CTRL: variants seen among roughly 807,000 people sequenced by gnomAD.
CTRL encodes chymotrypsin like.
In CTRL, 38 loss-of-function variants were observed where a neutral mutation model predicts 35.5. The observed-to-expected ratio is 1.07, with a 90% CI of 0.83 to 1.40. CTRL has a LOEUF of 1.40. CTRL is among the 40% of genes most tolerant of loss of function. CTRL has a pLI of 0.00. For missense variants in CTRL, 327 were observed against 342.9 expected (o/e 0.95, Z 0.37); for synonymous variants, 155 against 141.1 (o/e 1.10, Z -0.70).
Position 67,929,896 on chromosome 16 carries a change from T to C in CTRL, c.*38A>G. The C allele has an allele frequency of 6.2e-7, 1 of 1,602,168 alleles. No individual in the cohort carries two copies. Among genetic ancestry groups the C allele is most frequent in the Non-Finnish European group, 8.5e-7 (1 of 1,170,746 alleles). ...AATGCATGATGGGACAGGGCCTGGG[T>C]CTTTAATGGGTTGAGCTGGGGAGGG... On this transcript the variant is annotated 3_prime_UTR_variant, in exon 7 of 7. Coordinates refer to ENST00000574481, the MANE Select transcript of CTRL (RefSeq NM_001907.3).
At position 67,930,162 on chromosome 16, in the gene CTRL, G is replaced by A. The variant is rs769216342; in HGVS notation, c.633+23C>T. ...GGGAGGTATACCACAGGACAGCGCA[G>A]AGGAGCGGGTGCTGGGGCTTACCTG... On this transcript the variant is annotated intron_variant, in intron 6 of 6. Transcript: ENST00000574481. This position sits in a 1 kb window ranked among gnomAD's most constrained non-coding sequence, Gnocchi z 4.3. 4 of 1,613,788 alleles carry A rather than the reference G, an allele frequency of 2.5e-6. No individual in the cohort carries two copies. In the East Asian group the frequency reaches 6.7e-5, roughly 27 times the overall value.
rs1486780023 is a variant in CTRL at position 67,930,484 on chromosome 16, G to T, written c.423C>A (p.Cys141Ter). Residue 141 changes from cysteine (C) to a stop codon, truncating the protein, a stop_gained, in exon 5 of 7, where the codon TGC becomes TGA. Transcript: ENST00000574481. LOFTEE classifies it high-confidence loss of function. The surrounding 1 kb of genome is among the most constrained non-coding windows in gnomAD (Gnocchi z 4.3). ...TCAGAGCCTCGTTTGAGGATGCCAG[G>T]CAAACTGGCGAGATGCGTGTTGTGT... Reference protein sequence around the residue: ...AQYTTRISPVCLASSNEALTE... With the variant: ...AQYTTRISPV 2 of 1,614,170 alleles carry T rather than the reference G, an allele frequency of 1.2e-6. No homozygotes were observed. The highest frequency in any genetic ancestry group is 1.7e-6 in the Non-Finnish European group (2 of 1,180,036).
Position 67,930,024 on chromosome 16 carries a change from G to A in CTRL, c.705C>T (p.Gly235=), listed in dbSNP as rs373622983. The change falls in exon 7 of 7, where the codon GGC becomes GGT. Residue 235 remains glycine, a synonymous_variant. Transcript: ENST00000574481. This position sits in a 1 kb window ranked among gnomAD's most constrained non-coding sequence, Gnocchi z 4.3. ...TWVLIGIVSW[G]TKNCNVRAPA... ...GTGCGCGCACATTGCAGTTTTTGGT[G>A]CCCCAGGAGACAATACCAATAAGCA... The A allele has an allele frequency of 2.5e-6, 4 of 1,614,114 alleles. No individual in the cohort carries two copies. In the African/African-American group the frequency reaches 5.3e-5, roughly 22 times the overall value.
chr16:67,930,085 C>T lies in CTRL; in HGVS notation c.644G>A (p.Gly215Glu). ...AGASSCQGDS[G>E]GPLVCQKGNT... ...TCCCTTCTGGCAGACAAGAGGGCCT[C>T]CGGAGTCACCCTGAGAGGGAAGAGG... Residue 215 changes from glycine to glutamate, a missense_variant, in exon 7 of 7, where the codon GGA becomes GAA. By Grantham distance (98) the Gly-to-Glu change is moderately conservative (BLOSUM62 -2). Transcript: ENST00000574481. This position sits in a 1 kb window ranked among gnomAD's most constrained non-coding sequence, Gnocchi z 4.3. 1.2e-6 allele frequency: 2 copies of T among 1,614,130 alleles called. No individual in the cohort carries two copies. The highest frequency in any genetic ancestry group is 1.3e-5 in the African/African-American group (1 of 75,024).
chr16:67,930,439 G>A lies in CTRL; in HGVS notation c.468C>T (p.Val156=), dbSNP rs958005816. 4 of 1,614,044 alleles carry A rather than the reference G, an allele frequency of 2.5e-6. No homozygotes were observed. The highest frequency in any genetic ancestry group is 3.4e-6 in the Non-Finnish European group (4 of 1,180,008). The change falls in exon 5 of 7, where the codon GTC becomes GTT. Residue 156 remains valine (V), a synonymous_variant. Transcript: ENST00000574481. This position sits in a 1 kb window ranked among gnomAD's most constrained non-coding sequence, Gnocchi z 4.3. ...CACTGAGGCGACCCCAGCCGGTGGT[G>A]ACACACGTGAGGCCTTCAGTCAGAG... The part of the protein sequence containing the change: ...NEALTEGLTC[V]TTGWGRLSGV...
chr16:67,930,626 T>C lies in CTRL; in HGVS notation c.319-38A>G, dbSNP rs767995453. On this transcript the variant is annotated intron_variant, in intron 4 of 6. Coordinates refer to ENST00000574481, the MANE Select transcript of CTRL (RefSeq NM_001907.3). The surrounding 1 kb of genome is among the most constrained non-coding windows in gnomAD (Gnocchi z 4.3). ...AAACAGTCCATGTTCTGATGGGTGC[T>C]GAGCAGGGTAGGCCAGGGCATGTCC... is the stretch of plus-strand genomic sequence containing the variant. The C allele has an allele frequency of 1.2e-6, 2 of 1,609,428 alleles. No homozygotes were observed. The highest frequency in any genetic ancestry group is 2.2e-5 in the East Asian group (1 of 44,706).
rs754288360 is a variant in CTRL, at chr16:67,931,126, C to G, written c.128G>C (p.Gly43Ala). 4.7e-5 allele frequency: 76 copies of G among 1,614,106 alleles called. 1 individual carries two copies. In the South Asian group the frequency reaches 6.8e-4, roughly 14 times the overall value. ...CAGGGACACCTGCCAGGGCCAGGAG[C>G]CCAACACTGCATTCTCCCCGTTGAC... The part of the protein sequence containing the change: ...RIVNGENAVL[G>A]SWPWQVSLQD... Residue 43 changes from glycine to alanine, a missense_variant, in exon 2 of 7, where the codon GGC becomes GCC. Transcript: ENST00000574481.
At position 67,930,218 on chromosome 16, in the gene CTRL, G is replaced by A; in HGVS notation, c.600C>T (p.Ile200=). 2 of 1,614,100 alleles carry A rather than the reference G, an allele frequency of 1.2e-6. No homozygotes were observed. The highest frequency in any genetic ancestry group is 2.2e-5 in the South Asian group (2 of 91,084). ...YWGSSITDSM[I]CAGGAGASSC... is the part of the protein sequence containing the mutation. ...AGGAGGCACCTGCGCCACCTGCACA[G>A]ATCATGGAGTCAGTGATACTTGAGC... The change falls in exon 6 of 7, where the codon ATC becomes ATT. Residue 200 remains isoleucine, a synonymous_variant. Transcript: ENST00000574481. The surrounding 1 kb of genome is among the most constrained non-coding windows in gnomAD (Gnocchi z 4.3).
At position 67,929,847 on chromosome 16, in the gene CTRL, T is replaced by C. The variant is rs975952126; in HGVS notation, c.*87A>G. The stretch of plus-strand genomic sequence containing the variant: ...CGGACCCTCAACAGCCTCTTCTTTC[T>C]CCTGAGCCAGGAAGACAGACATGAA... On this transcript the variant is annotated 3_prime_UTR_variant, in exon 7 of 7. Coordinates refer to ENST00000574481, the MANE Select transcript of CTRL (RefSeq NM_001907.3). 2 of 1,465,852 alleles carry C rather than the reference T, an allele frequency of 1.4e-6. No individual in the cohort carries two copies. Among genetic ancestry groups the C allele is most frequent in the East Asian group, 4.6e-5 (2 of 43,810 alleles). 90.8% of individuals were successfully genotyped at this position (1,465,852 alleles called of 1,614,324 possible). A position where few individuals can be genotyped will look rare whatever the true frequency, so the allele number is the denominator to read the frequency against.
intron 1 of CTRL, 108 bp from the exon 2 acceptor site, chr16:67,931,309 T>C: frequency 9.7e-7 from 1 of 1,034,966 alleles, no homozygotes; most frequent in South Asian, 1.4e-5. Context: ...GTCGAGAGGG[T>C]ACAGCACTAC....
chr16:67,931,331 C>G (rs1200857629), intron 1 of CTRL, 130 bp from the exon 2 acceptor site: 3 of 846,220 alleles, frequency 3.5e-6, no homozygotes, highest in Non-Finnish European at 5.7e-6. Flanking sequence ...CCTTCCCCAA[C>G]AGGGTACATG....
At position 67,930,449 on chromosome 16, in the gene CTRL, A is replaced by C; in HGVS notation, c.458T>G (p.Leu153Arg). ...ACCCCAGCCGGTGGTGACACACGTGAGGCCTTCAGTCAGAGCCTCGTTTGA... is the reference window on the plus strand; with the variant it reads ...ACCCCAGCCGGTGGTGACACACGTGCGGCCTTCAGTCAGAGCCTCGTTTGA... The part of the protein sequence containing the change: ...ASSNEALTEG[L>R]TCVTTGWGRL... The change falls in exon 5 of 7, where the codon CTC (leucine) becomes CGC (arginine). Residue 153 changes from leucine to arginine, a missense_variant. By Grantham distance (102) the Leu-to-Arg change is moderately radical. Transcript: ENST00000574481. This position sits in a 1 kb window ranked among gnomAD's most constrained non-coding sequence, Gnocchi z 4.3. 1 of 1,614,064 alleles carries C rather than the reference A, an allele frequency of 6.2e-7. No individual in the cohort carries two copies. The highest frequency in any genetic ancestry group is 1.1e-5 in the South Asian group (1 of 91,078).
rs1279092544 is a variant in CTRL at position 67,930,851 on chromosome 16, A to C, written c.237-44T>G. The C allele has an allele frequency of 6.2e-7, 1 of 1,612,752 alleles. No homozygotes were observed. Among genetic ancestry groups the C allele is most frequent in the Non-Finnish European group, 8.5e-7 (1 of 1,179,338 alleles). On this transcript the variant is annotated intron_variant, in intron 3 of 6. Transcript: ENST00000574481. The surrounding 1 kb of genome is among the most constrained non-coding windows in gnomAD (Gnocchi z 4.3). ...AGGCAGCTGCAGGGAGGCCAGCGCG[A>C]GAGGGGGACAGCCAGGGGAGGAGGC...
rs1215641902 is a variant in CTRL at position 67,929,835 on chromosome 16, G to A, written c.*99C>T. The A allele has an allele frequency of 1.5e-6, 2 of 1,361,508 alleles. No homozygotes were observed. Among genetic ancestry groups the A allele is most frequent in the Non-Finnish European group, 2.0e-6 (2 of 981,880 alleles). 84.3% of individuals were successfully genotyped at this position (1,361,508 alleles called of 1,614,324 possible). A position where few individuals can be genotyped will look rare whatever the true frequency, so the allele number is the denominator to read the frequency against. ...CAAGTAGGGAGTCGGACCCTCAACAGCCTCTTCTTTCTCCTGAGCCAGGAA... is the reference window on the plus strand; with the variant it reads ...CAAGTAGGGAGTCGGACCCTCAACAACCTCTTCTTTCTCCTGAGCCAGGAA... On this transcript the variant is annotated 3_prime_UTR_variant, in exon 7 of 7. Coordinates refer to ENST00000574481, the MANE Select transcript of CTRL (RefSeq NM_001907.3).
In CTRL at chr16:67,931,215, T is replaced by C. The variant is rs373922437; in HGVS notation, c.53-14A>G. 5.0e-5 allele frequency: 81 copies of C among 1,613,496 alleles called. No homozygotes were observed. The highest frequency in any genetic ancestry group is 6.7e-5 in the Non-Finnish European group (79 of 1,179,796). On this transcript the variant is annotated splice_polypyrimidine_tract_variant and intron_variant, in intron 1 of 6. Transcript: ENST00000574481. ...GAATGCCGCAGCCTGGCCATTGGGCTAATGAGGACCTGCTTCCCATGCCTC... is the reference window on the plus strand; with the variant it reads ...GAATGCCGCAGCCTGGCCATTGGGCCAATGAGGACCTGCTTCCCATGCCTC...
At chr16:67,931,638 C>T in intron 1 of CTRL, 163 bp downstream of exon 1, 1 of 793,642 alleles carries the variant, frequency 1.3e-6, no homozygotes, top group Non-Finnish European at 2.0e-6. Context: ...CCCCTCCCAG[C>T]CCTGCAGGCC....
chr16:67,931,133 C>G lies in CTRL; in HGVS notation c.121G>C (p.Val41Leu). 17 of 1,614,156 alleles carry G rather than the reference C, an allele frequency of 1.1e-5. No homozygotes were observed. Among genetic ancestry groups the G allele is most frequent in the Non-Finnish European group, 1.4e-5 (17 of 1,180,026 alleles). ...SQRIVNGENAVLGSWPWQVSL... is the reference protein window; with the variant it reads ...SQRIVNGENALLGSWPWQVSL... The stretch of plus-strand genomic sequence containing the variant: ...ACCTGCCAGGGCCAGGAGCCCAACA[C>G]TGCATTCTCCCCGTTGACAATCCTC... The change falls in exon 2 of 7, where the codon GTG becomes CTG. Residue 41 changes from valine to leucine, a missense_variant. Coordinates refer to ENST00000574481, the MANE Select transcript of CTRL (RefSeq NM_001907.3).
Position 67,930,123 on chromosome 16 carries a change from A to G in CTRL, c.634-28T>C. The G allele has an allele frequency of 1.2e-6, 2 of 1,613,558 alleles. No homozygotes were observed. Among genetic ancestry groups the G allele is most frequent in the Middle Eastern group, 1.6e-4 (1 of 6,062 alleles). ...GAGAGGGAAGAGGGAGGGAGAATTG[A>G]GTAGGGGGGGTTGGGGAGGTATACC... On this transcript the variant is annotated intron_variant, in intron 6 of 6. Transcript: ENST00000574481. The surrounding 1 kb of genome is among the most constrained non-coding windows in gnomAD (Gnocchi z 4.3).
At chr16:67,931,396 C>T (rs1369762142) in intron 1 of CTRL, 195 bp from the exon 2 acceptor site, 2 of 623,466 alleles carry the variant, frequency 3.2e-6, no homozygotes, top group Non-Finnish European at 2.9e-6. Flanking sequence ...CCCAGTCCCC[C>T]AGCCCTGCTG....
Sources: allele counts gnomAD v4.1 joint callset, GRCh38; gene constraint gnomAD v4.1.1; non-coding constraint Gnocchi (gnomAD v3.1); transcripts MANE v1.5; gene names NCBI Gene and HGNC (gene_info 2026-07-23, HGNC 2026-07-21).